Variants in SLIT3 observed in about 807,000 individuals in gnomAD.
SLIT3 encodes slit guidance ligand 3.
Under a neutral mutation model 184.0 loss-of-function variants are expected in SLIT3, and 68 were observed. The ratio of observed to expected loss-of-function variants is 0.37; its 90% CI spans 0.30 to 0.45. SLIT3 has a LOEUF of 0.45. Among genes scored for constraint, SLIT3 ranks in the 20% least tolerant of loss-of-function variants. The pLI, the probability that SLIT3 is intolerant of heterozygous loss-of-function variation, is 1.00. For synonymous variants in SLIT3, 831 were observed against 828.6 expected (o/e 1.00, Z -0.05); for missense variants, 1,707 against 2,026.0 (o/e 0.84, Z 3.02).
intron 3 of SLIT3, among the ~76,000 whole-genome samples, chr5:169,242,183 A>G (rs1055693506): frequency 6.6e-6 from 1 of 152,220 alleles, no homozygotes; most frequent in African/African-American, 2.4e-5. Flanking sequence ...ATTAACGCCT[A>G]TCAGGATTAA....
chr5:169,167,704 C>T (rs775337886), intron 4 of SLIT3, among the ~76,000 whole-genome samples: 1 of 152,174 alleles, frequency 6.6e-6, no homozygotes, highest in South Asian at 2.1e-4. Context: ...TGGTAAGGAG[C>T]AGAGGGTGGC....
intron 4 of SLIT3, among the ~76,000 whole-genome samples, chr5:169,084,598 G>A (rs999989817): frequency 1.3e-5 from 2 of 151,816 alleles, no homozygotes; most frequent in South Asian, 2.1e-4. Context: ...GTGTGCCACC[G>A]TGCCCAGCCT....
chr5:168,813,710 C>T (rs1423031105), intron 8 of SLIT3, among the ~76,000 whole-genome samples: 8 of 152,170 alleles, frequency 5.3e-5, no homozygotes, highest in Admixed American at 3.9e-4. Context: ...TGATAAGGAG[C>T]CCATATCCAG....
At chr5:168,752,032 C>T (rs965359747) in intron 18 of SLIT3, among the ~76,000 whole-genome samples, 45 of 152,116 alleles carry the variant, frequency 3.0e-4, no homozygotes, top group African/African-American at 1.1e-3. Flanking sequence ...AGCCACCAAG[C>T]CTGGCTGCCA....
chr5:169,269,408 T>G (rs1251128746), intron 1 of SLIT3, among the ~76,000 whole-genome samples: 1 of 152,202 alleles, frequency 6.6e-6, no homozygotes, highest in Non-Finnish European at 1.5e-5. Context: ...ATGAGAGGCC[T>G]CAAACTAATG....
At chr5:169,023,068 A>C (rs1045847053) in intron 4 of SLIT3, among the ~76,000 whole-genome samples, 3 of 152,194 alleles carry the variant, frequency 2.0e-5, no homozygotes, top group African/African-American at 7.2e-5. Context: ...CGGAAGCTCT[A>C]ACTTCCCTTA....
chr5:168,733,838 T>G (rs2116758), intron 20 of SLIT3, among the ~76,000 whole-genome samples: 37,372 of 151,572 alleles, frequency 0.25, 4,714 homozygotes, highest in Non-Finnish European at 0.26. Flanking sequence ...CTATATACAT[T>G]GAATACTACT....
At chr5:169,137,763 TG>T (rs1243763810) in intron 4 of SLIT3, among the ~76,000 whole-genome samples, 1 of 151,614 alleles carries the variant, frequency 6.6e-6, no homozygotes, top group Non-Finnish European at 1.5e-5. Context: ...CAAGGACTGA[TG>T]GGGTTCCCAC....
At chr5:168,787,304 G>T (rs918146228) in intron 11 of SLIT3, among the ~76,000 whole-genome samples, 1 of 152,168 alleles carries the variant, frequency 6.6e-6, no homozygotes, top group Non-Finnish European at 1.5e-5. Flanking sequence ...GGCAAGAGGG[G>T]TCCTCACACC....
At chr5:168,966,589 G>A (rs1282687983) in intron 4 of SLIT3, among the ~76,000 whole-genome samples, 1 of 152,172 alleles carries the variant, frequency 6.6e-6, no homozygotes, top group Non-Finnish European at 1.5e-5. Flanking sequence ...CTGGTGGTGA[G>A]AGAATCTCCT....
chr5:169,277,546 G>GT (rs1766852019), intron 1 of SLIT3, among the ~76,000 whole-genome samples: 1 of 152,156 alleles, frequency 6.6e-6, no homozygotes, highest in African/African-American at 2.4e-5. Context: ...CCAGCAGAAT[G>GT]TTTTCAATGT....
intron 7 of SLIT3, 114 bp from the exon 8 acceptor site, chr5:168,817,577 C>T: frequency 2.0e-6 from 2 of 990,480 alleles, no homozygotes; most frequent in East Asian, 2.6e-5. Context: ...TGTGAAAATC[C>T]CTAGGAGCCC....
chr5:168,738,754 C>T (rs1011275255), intron 20 of SLIT3, among the ~76,000 whole-genome samples: 14 of 152,054 alleles, frequency 9.2e-5, no homozygotes, highest in South Asian at 4.2e-4. Flanking sequence ...CTGGCTAATA[C>T]GGTGAAACCC....
intron 3 of SLIT3, among the ~76,000 whole-genome samples, chr5:169,206,891 A>C (rs1764084952): frequency 6.6e-6 from 1 of 152,128 alleles, no homozygotes; most frequent in South Asian, 2.1e-4. Flanking sequence ...ATTCAGGTCC[A>C]AGGTTTTTTT....
intron 4 of SLIT3, among the ~76,000 whole-genome samples, chr5:169,021,664 A>G (rs1171587902): frequency 6.6e-6 from 1 of 152,172 alleles, no homozygotes; most frequent in East Asian, 1.9e-4. Context: ...ATAGTATTTT[A>G]AAATAGTAAC....
intron 4 of SLIT3, among the ~76,000 whole-genome samples, chr5:168,985,213 C>T (rs1028402348): frequency 1.3e-5 from 2 of 152,128 alleles, no homozygotes; most frequent in African/African-American, 2.4e-5. Context: ...ACCTAAAGAT[C>T]GCTTGAACTT....
chr5:168,798,062 T>G (rs1047783593), intron 9 of SLIT3, among the ~76,000 whole-genome samples: 1 of 151,936 alleles, frequency 6.6e-6, no homozygotes, highest in Non-Finnish European at 1.5e-5. Context: ...TAGATGTGAA[T>G]ACACATAAGA....
At chr5:169,291,371 C>G (rs539958141) in intron 1 of SLIT3, among the ~76,000 whole-genome samples, 1 of 152,312 alleles carries the variant, frequency 6.6e-6, no homozygotes, top group Non-Finnish European at 1.5e-5. Flanking sequence ...ATTTAAAAAA[C>G]AGTTAGTGGA....
intron 4 of SLIT3, among the ~76,000 whole-genome samples, chr5:169,072,969 T>C (rs1581376602): frequency 6.6e-6 from 1 of 152,184 alleles, no homozygotes; most frequent in East Asian, 1.9e-4. Flanking sequence ...ACCTCAAATA[T>C]GTGGGTAGCT....
Sources: allele counts gnomAD v4.1 joint callset (sites outside exome capture counted in the v4.1 genomes callset), GRCh38; gene constraint gnomAD v4.1.1; transcripts MANE v1.5; gene names NCBI Gene and HGNC (gene_info 2026-07-23, HGNC 2026-07-21).